GRID2: variants seen among roughly 807,000 people sequenced by gnomAD.
GRID2 encodes the protein glutamate receptor ionotropic, delta-2.
GRID2 carries 33 observed loss-of-function variants against 114.8 expected under a neutral mutation model. The observed-to-expected ratio is 0.29, with a 90% confidence interval of 0.22 to 0.38. The LOEUF is 0.38. GRID2 is among the 10% of genes least tolerant of loss of function. The pLI is 1.00. For synonymous variants in GRID2, 505 were observed against 449.9 expected, an observed-to-expected ratio of 1.12 and a Z score of -1.55; for missense variants, 1,184 against 1,257.7, an observed-to-expected ratio of 0.94 and a Z score of 0.89.
intron 13 of GRID2, among the ~76,000 whole-genome samples, chr4:93,563,296 C>G (rs912176414): frequency 6.6e-6 from 1 of 151,824 alleles, no homozygotes; most frequent in Non-Finnish European, 1.5e-5. Flanking sequence ...TTTATATTTT[C>G]TTAGCTCTCT....
chr4:93,214,843 T>G (rs1484406846), intron 5 of GRID2, among the ~76,000 whole-genome samples: 2 of 152,072 alleles, frequency 1.3e-5, no homozygotes, highest in African/African-American at 4.8e-5. Flanking sequence ...ATAATGTATC[T>G]TTACAGTTTT....
chr4:93,352,109 A>G (rs1014458672), intron 8 of GRID2, among the ~76,000 whole-genome samples: 2 of 152,092 alleles, frequency 1.3e-5, no homozygotes, highest in Non-Finnish European at 2.9e-5. Context: ...ATTAGAGAGC[A>G]CTTAATTCCT....
chr4:93,381,945 A>G (rs1417313754), intron 8 of GRID2, among the ~76,000 whole-genome samples: 1 of 152,070 alleles, frequency 6.6e-6, no homozygotes, highest in Non-Finnish European at 1.5e-5. Flanking sequence ...TAGTGTTAAC[A>G]AACTCCTCTC....
At chr4:93,681,768 C>T (rs1250891688) in intron 14 of GRID2, among the ~76,000 whole-genome samples, 1 of 152,142 alleles carries the variant, frequency 6.6e-6, no homozygotes, top group Admixed American at 6.6e-5. Flanking sequence ...ACGTCTTATA[C>T]AAAAATTAAT....
intron 1 of GRID2, among the ~76,000 whole-genome samples, chr4:92,579,944 ATATATATTTTATATATGTG>A (rs1456488656): frequency 2.0e-5 from 3 of 147,010 alleles, no homozygotes; most frequent in Non-Finnish European, 4.5e-5. Context: ...TGTATATAAT[ATATATATTTTATATATGTG>A]TATATATTTT....
Position 92,815,813 on chromosome 4 carries a change from T to C in GRID2, c.244+225527T>C, listed in dbSNP as rs143096488. Among the ~76,000 whole-genome samples, 11 of 148,294 alleles carry C rather than the reference T, an allele frequency of 7.4e-5. 1 individual carries two copies. Among genetic ancestry groups the C allele is most frequent in the Non-Finnish European group, 1.5e-4 (10 of 67,362 alleles). ...GTGTGTACCTGTAGTCCCAGCTACT[T>C]GGGAGGCTGAGGTGGAAAGATCACC... is the stretch of plus-strand genomic sequence containing the variant. On this transcript the variant is annotated intron_variant, in intron 2 of 15. Transcript: ENST00000282020.
At chr4:92,409,372 C>T (rs1254219996) in intron 1 of GRID2, among the ~76,000 whole-genome samples, 1 of 152,100 alleles carries the variant, frequency 6.6e-6, no homozygotes, top group Non-Finnish European at 1.5e-5. Flanking sequence ...AAAAATCACA[C>T]AAGGGCCTAG....
intron 13 of GRID2, among the ~76,000 whole-genome samples, chr4:93,590,744 G>C (rs1305652426): frequency 1.1e-4 from 16 of 152,058 alleles, no homozygotes; most frequent in Non-Finnish European, 1.9e-4. Context: ...GCAGCGGTTT[G>C]TAGTTCTCCT....
At chr4:93,248,932 A>C (rs1748506888) in intron 8 of GRID2, among the ~76,000 whole-genome samples, 1 of 152,144 alleles carries the variant, frequency 6.6e-6, no homozygotes, top group African/African-American at 2.4e-5. Flanking sequence ...CATTAGTCCT[A>C]ATTAAGCTAT....
intron 9 of GRID2, among the ~76,000 whole-genome samples, chr4:93,420,807 G>A (rs908594089): frequency 2.0e-5 from 3 of 151,572 alleles, no homozygotes; most frequent in African/African-American, 2.4e-5. Context: ...AGGCTGGAGT[G>A]CAATGGTGTG....
intron 1 of GRID2, among the ~76,000 whole-genome samples, chr4:93,798,721 A>G (rs10031584): frequency 0.46 from 69,400 of 152,084 alleles, 17,182 homozygotes; most frequent in Non-Finnish European, 0.55. Context: ...GATTTAAAGC[A>G]GTTCTATGCT....
chr4:93,544,783 AAAAAAAAAG>A (rs1166935502), intron 13 of GRID2, among the ~76,000 whole-genome samples: 3 of 151,616 alleles, frequency 2.0e-5, no homozygotes, highest in African/African-American at 7.3e-5. Flanking sequence ...CTCTGGAAAA[AAAAAAAAAG>A]AAAAAAAGAA....
At chr4:92,986,760 A>G (rs1754531916) in intron 2 of GRID2, among the ~76,000 whole-genome samples, 1 of 152,208 alleles carries the variant, frequency 6.6e-6, no homozygotes, top group East Asian at 1.9e-4. Flanking sequence ...AATATTATAA[A>G]TACTGTATAA....
intron 11 of GRID2, among the ~76,000 whole-genome samples, chr4:93,461,344 T>C (rs1723721424): frequency 6.6e-6 from 1 of 152,060 alleles, no homozygotes; most frequent in Non-Finnish European, 1.5e-5. Context: ...TTATAAACCC[T>C]ATGAAAAAGA....
intron 2 of GRID2, among the ~76,000 whole-genome samples, chr4:93,002,779 A>T (rs939098339): frequency 4.0e-5 from 6 of 151,832 alleles, no homozygotes; most frequent in Admixed American, 4.0e-4. Context: ...GGCATAAAAC[A>T]GTGCTTTATT....
chr4:92,807,443 A>C (rs1196959626), intron 2 of GRID2, among the ~76,000 whole-genome samples: 1 of 151,964 alleles, frequency 6.6e-6, no homozygotes, highest in Non-Finnish European at 1.5e-5. Context: ...AAAAATGTCA[A>C]AGTAAGTATC....
chr4:93,582,184 T>C (rs1363970825), intron 13 of GRID2, among the ~76,000 whole-genome samples: 1 of 152,128 alleles, frequency 6.6e-6, no homozygotes, highest in Admixed American at 6.5e-5. Flanking sequence ...CATTCCCTTG[T>C]CTTTTTCAGC....
chr4:93,449,684 T>A (rs1722497250), intron 10 of GRID2, among the ~76,000 whole-genome samples: 1 of 152,022 alleles, frequency 6.6e-6, no homozygotes, highest in Admixed American at 6.6e-5. Context: ...AAAAGCTATA[T>A]CTAAAGTTTT....
At chr4:92,920,125 C>T (rs1218521764) in intron 2 of GRID2, among the ~76,000 whole-genome samples, 1 of 152,050 alleles carries the variant, frequency 6.6e-6, no homozygotes, top group Non-Finnish European at 1.5e-5. Context: ...CTCTTTTGAT[C>T]TTTGTTGGTT....
Sources: gnomAD v4.1 joint callset for allele counts (sites outside exome capture counted in the v4.1 genomes callset) on GRCh38, gnomAD v4.1.1 for gene constraint, MANE v1.5 for transcripts, NCBI Gene and HGNC (gene_info 2026-07-23, HGNC 2026-07-21) for gene names.